The following BAG2 variants were observed in gnomAD, a reference collection of about 807,000 sequenced individuals.
The protein encoded by BAG2 is BAG cochaperone 2, also known as BAG family molecular chaperone regulator 2.
A neutral mutation model predicts 16.4 loss-of-function variants in BAG2; 8 were observed. The ratio of observed to expected loss-of-function variants is 0.49; its 90% CI spans 0.29 to 0.88. BAG2 has a LOEUF of 0.88. BAG2 is among the 40% of genes least tolerant of loss of function. BAG2 has a pLI of 0.09. For missense variants in BAG2, 218 were observed against 248.9 expected (o/e 0.88, Z 0.84); for synonymous variants, 82 against 89.2 (o/e 0.92, Z 0.46).
rs1764542596 is a variant in BAG2 at position 57,183,805 on chromosome 6, C to T, written c.251C>T (p.Ala84Val). The T allele has an allele frequency of 3.8e-6, 6 of 1,593,682 alleles. No homozygotes were observed. Among genetic ancestry groups the T allele is most frequent in the Non-Finnish European group, 5.1e-6 (6 of 1,171,394 alleles). Residue 84 changes from alanine (A) to valine (V), a missense_variant, in exon 3 of 3, where the codon GCA becomes GTA. By Grantham distance (64) the Ala-to-Val change is moderately conservative. Around this residue, in one of 3 missense-constraint regions of BAG2, gnomAD observed 30 missense variants for 57.8 expected, o/e 0.52. Coordinates refer to ENST00000370693, the MANE Select transcript of BAG2 (RefSeq NM_004282.4). Reference sequence around the variant, plus strand: ...GAAAGAGAAGAATTAAATCTGACTGCAAACCGTTTGATGGGAAGAACTCTC... The same window carrying T: ...GAAAGAGAAGAATTAAATCTGACTGTAAACCGTTTGATGGGAAGAACTCTC... ...DGEREELNLTANRLMGRTLTV... is the reference protein window; with the variant it reads ...DGEREELNLTVNRLMGRTLTV...
chr6:57,173,107 AGAG>A (rs1186934664), intron 1 of BAG2: 23 of 1,041,252 alleles, frequency 2.2e-5, no homozygotes, highest in Non-Finnish European at 2.6e-5. Context: ...GAAAAAAATC[AGAG>A]GAGATAAAAG....
intron 1 of BAG2, among the ~76,000 whole-genome samples, chr6:57,175,458 A>G (rs1453973897): frequency 6.6e-6 from 1 of 152,108 alleles, no homozygotes; most frequent in Non-Finnish European, 1.5e-5. Flanking sequence ...CCTTACCTCT[A>G]GTCTGATTGT....
At position 57,189,198 on chromosome 6, in the gene BAG2, A is replaced by G. The variant is rs1367532521; in HGVS notation, c.*5008A>G. The G allele has an allele frequency of 6.6e-6, 1 of 152,158 alleles. No homozygotes were observed. Among genetic ancestry groups the G allele is most frequent in the Non-Finnish European group, 1.5e-5 (1 of 68,032 alleles). 9.4% of individuals were successfully genotyped at this position (152,158 alleles called of 1,614,324 possible). A position where few individuals can be genotyped will look rare whatever the true frequency, so the allele number is the denominator to read the frequency against. On this transcript the variant is annotated 3_prime_UTR_variant, in exon 3 of 3. Transcript: ENST00000370693. ...TGATTACATATTAAATCATTTTGTA[A>G]AAGAAATGATTCTGTATGTGGGACT...
At chr6:57,173,543 TCTTG>T (rs1023604602) in intron 1 of BAG2, 26 of 956,058 alleles carry the variant, frequency 2.7e-5, no homozygotes, top group South Asian at 4.8e-5. Flanking sequence ...TTTCCCCTTT[TCTTG>T]CTTAAGAATT....
At chr6:57,175,827 A>G (rs554101724) in intron 1 of BAG2, among the ~76,000 whole-genome samples, 1 of 152,188 alleles carries the variant, frequency 6.6e-6, no homozygotes, top group Non-Finnish European at 1.5e-5. Context: ...ATCCGTAAAT[A>G]TAAGTAAGTG....
chr6:57,174,238 T>C, intron 1 of BAG2: 1 of 1,204,216 alleles, frequency 8.3e-7, no homozygotes, highest in Non-Finnish European at 1.1e-6. Context: ...TCTCTCCATG[T>C]CTTCAGAACG....
At position 57,189,377 on chromosome 6, in the gene BAG2, A is replaced by C. The variant is rs1764744014; in HGVS notation, c.*5187A>C. On this transcript the variant is annotated 3_prime_UTR_variant, in exon 3 of 3. Coordinates refer to ENST00000370693, the MANE Select transcript of BAG2 (RefSeq NM_004282.4). Reference sequence around the variant, plus strand: ...GTAATTTTAGTTAAGACTAATAATAATATTTTTGTGCACTTTAAAAATGGT... The same window carrying C: ...GTAATTTTAGTTAAGACTAATAATACTATTTTTGTGCACTTTAAAAATGGT... 6.6e-6 allele frequency: 1 copy of C among 152,252 alleles called. No homozygotes were observed. Among genetic ancestry groups the C allele is most frequent in the African/African-American group, 2.4e-5 (1 of 41,464 alleles). 9.4% of individuals were successfully genotyped at this position (152,252 alleles called of 1,614,324 possible).
chr6:57,172,722 A>G lies in BAG2; in HGVS notation c.25A>G (p.Lys9Glu). 6.3e-7 allele frequency: 1 copy of G among 1,579,442 alleles called. No homozygotes were observed. Among genetic ancestry groups the G allele is most frequent in the Non-Finnish European group, 8.6e-7 (1 of 1,165,646 alleles). The change falls in exon 1 of 3, where the codon AAA becomes GAA. Residue 9 changes from lysine to glutamate, a missense_variant. Transcript: ENST00000370693. MAQAKINAKANEGRFCRSS... is the reference protein window; with the variant it reads MAQAKINAEANEGRFCRSS... The stretch of plus-strand genomic sequence containing the variant: ...GATGGCTCAGGCGAAGATCAACGCT[A>G]AAGCCAACGAGGGGCGCTTCTGCCG...
At position 57,182,008 on chromosome 6, in the gene BAG2, G is replaced by A. The variant is rs41267687; in HGVS notation, c.114-24G>A. 5.9e-3 allele frequency: 9,465 copies of A among 1,600,846 alleles called. 31 individuals carry two copies. Among genetic ancestry groups the A allele is most frequent in the Non-Finnish European group, 7.1e-3 (8,337 of 1,169,436 alleles). On this transcript the variant is annotated intron_variant, in intron 1 of 2. Transcript: ENST00000370693. ...GAAGAACATCCTGCATACAATAACC[G>A]TTTTGTTTTCCCAATTTCTATAGGG...
In BAG2 at chr6:57,173,461, G is replaced by C. The variant is rs1445097419; in HGVS notation, c.113+651G>C. The C allele has an allele frequency of 1.5e-5, 15 of 985,210 alleles. No homozygotes were observed. The African/African-American group carries it at 2.4e-4, about 16-fold the overall frequency. The allele number at this position is 985,210 out of a possible 1,614,324, so 61.0% of individuals were successfully genotyped here. A position where few individuals can be genotyped will look rare whatever the true frequency, so the allele number is the denominator to read the frequency against. On this transcript the variant is annotated intron_variant, in intron 1 of 2. Transcript: ENST00000370693. ...GATTCAGCGGTTCCGTTCGTCTCTC[G>C]GTATTTATTGGGCACCTCCCTACAT...
At chr6:57,173,576 T>A in intron 1 of BAG2, 1 of 825,112 alleles carries the variant, frequency 1.2e-6, no homozygotes, top group Non-Finnish European at 1.5e-6. Context: ...AATACAGTAG[T>A]AGACTTGTAT....
Position 57,187,575 on chromosome 6 carries a change from A to G in BAG2, c.*3385A>G, listed in dbSNP as rs1764650059. On this transcript the variant is annotated 3_prime_UTR_variant, in exon 3 of 3. Transcript: ENST00000370693. ...ATTAATGGGAACATTTTATCAGGTT[A>G]GCAGTAACTATTTCAAAGGTTTTGA... The G allele has an allele frequency of 6.6e-6, 1 of 152,216 alleles. No homozygotes were observed. Among genetic ancestry groups the G allele is most frequent in the Non-Finnish European group, 1.5e-5 (1 of 68,018 alleles). The allele number at this position is 152,216 out of a possible 1,614,324, so 9.4% of individuals were successfully genotyped here. A position where few individuals can be genotyped will look rare whatever the true frequency, so the allele number is the denominator to read the frequency against.
chr6:57,183,304 A>C (rs1021086887), intron 2 of BAG2, among the ~76,000 whole-genome samples: 6 of 152,350 alleles, frequency 3.9e-5, no homozygotes, highest in Admixed American at 1.3e-4. Context: ...AGAAGGATGA[A>C]GTCAGTGCCT....
In BAG2 at chr6:57,185,140, A is replaced by G. The variant is rs1041866376; in HGVS notation, c.*950A>G. 6.6e-5 allele frequency: 10 copies of G among 152,166 alleles called. No individual in the cohort carries two copies. Among genetic ancestry groups the G allele is most frequent in the African/African-American group, 2.4e-4 (10 of 41,448 alleles). The allele number at this position is 152,166 out of a possible 1,614,324, so 9.4% of individuals were successfully genotyped here. On this transcript the variant is annotated 3_prime_UTR_variant, in exon 3 of 3. Coordinates refer to ENST00000370693, the MANE Select transcript of BAG2 (RefSeq NM_004282.4). ...TAGACGTTTTCATGGCCTCACACAT[A>G]TTAAACTTTTTTTGTATAAAGGTTA...
At position 57,172,623 on chromosome 6, in the gene BAG2, C is replaced by A; in HGVS notation, c.-75C>A. 8.0e-7 allele frequency: 1 copy of A among 1,251,010 alleles called. No homozygotes were observed. The highest frequency in any genetic ancestry group is 1.1e-6 in the Non-Finnish European group (1 of 951,556). 77.5% of individuals were successfully genotyped at this position (1,251,010 alleles called of 1,614,324 possible). On this transcript the variant is annotated 5_prime_UTR_variant, in exon 1 of 3. Transcript: ENST00000370693. Reference sequence around the variant, plus strand: ...GCCCGCGTGGTGACGGCGACGCCTGCAGCCCAAGGAGCGCTCCACTCGCTG... The same window carrying A: ...GCCCGCGTGGTGACGGCGACGCCTGAAGCCCAAGGAGCGCTCCACTCGCTG...
At chr6:57,181,408 G>C (rs796370942) in intron 1 of BAG2, among the ~76,000 whole-genome samples, 4 of 152,246 alleles carry the variant, frequency 2.6e-5, no homozygotes, top group African/African-American at 9.6e-5. Flanking sequence ...GTACACATAG[G>C]GGGCTGGGTG....
chr6:57,173,033 C>T (rs1390697165), intron 1 of BAG2: 2 of 730,386 alleles, frequency 2.7e-6, no homozygotes, highest in Admixed American at 9.2e-5. Flanking sequence ...TCGATTTAAG[C>T]TAAACCTGTG....
rs1764639046 is a variant in BAG2 at position 57,187,326 on chromosome 6, C to G, written c.*3136C>G. ...CCAGGAGTTTGATGACTGGATATTT[C>G]AGAGTCTACTGCGGGTTTTAAATAT... On this transcript the variant is annotated 3_prime_UTR_variant, in exon 3 of 3. Transcript: ENST00000370693. 2 of 152,126 alleles carry G rather than the reference C, an allele frequency of 1.3e-5. No individual in the cohort carries two copies. The highest frequency in any genetic ancestry group is 1.3e-4 in the Admixed American group (2 of 15,268). 9.4% of individuals were successfully genotyped at this position (152,126 alleles called of 1,614,324 possible).
rs1375098836 is a variant in BAG2, at chr6:57,185,732, T to C, written c.*1542T>C. On this transcript the variant is annotated 3_prime_UTR_variant, in exon 3 of 3. Coordinates refer to ENST00000370693, the MANE Select transcript of BAG2 (RefSeq NM_004282.4). ...GATGATTTTTTGTGTGCATCATTTTTTTCTTGACCAGCTTTTTGAAAATTA... is the reference window on the plus strand; with the variant it reads ...GATGATTTTTTGTGTGCATCATTTTCTTCTTGACCAGCTTTTTGAAAATTA... The C allele has an allele frequency of 6.6e-6, 1 of 152,240 alleles. No individual in the cohort carries two copies. The highest frequency in any genetic ancestry group is 1.5e-5 in the Non-Finnish European group (1 of 68,042). The allele number at this position is 152,240 out of a possible 1,614,324, so 9.4% of individuals were successfully genotyped here.
Sources: gnomAD v4.1 joint callset for allele counts (sites outside exome capture counted in the v4.1 genomes callset) on GRCh38, gnomAD v4.1.1 for gene constraint, gnomAD v4.1.1 regional missense constraint, MANE v1.5 for transcripts, NCBI Gene and HGNC (gene_info 2026-07-23, HGNC 2026-07-21) for gene names.